The following KCNC1 variants were observed in gnomAD, a reference collection of about 807,000 sequenced individuals.
KCNC1 encodes voltage-gated potassium channel KCNC1.
In KCNC1, 8 loss-of-function variants were observed where a neutral mutation model predicts 43.4. That is an observed-to-expected ratio of 0.18 (90% CI 0.11 to 0.33). The LOEUF is 0.33. Ranked by LOEUF, KCNC1 falls within the 10% of genes least tolerant of loss-of-function variation. The pLI, the probability that KCNC1 is intolerant of heterozygous loss-of-function variation, is 1.00. For synonymous variants in KCNC1, 361 were observed against 360.5 expected, an observed-to-expected ratio of 1.00 and a Z score of -0.01; for missense variants, 420 against 836.0, an observed-to-expected ratio of 0.50 and a Z score of 6.14.
intron 1 of KCNC1, among the ~76,000 whole-genome samples, chr11:17,746,439 C>T (rs984590566): frequency 1.3e-5 from 2 of 152,192 alleles, no homozygotes; most frequent in Non-Finnish European, 2.9e-5. Context: ...TGGTCCAGCC[C>T]GACCCCCGAG....
chr11:17,766,336 A>C (rs1393299608), intron 1 of KCNC1, among the ~76,000 whole-genome samples: 1 of 152,090 alleles, frequency 6.6e-6, no homozygotes, highest in Admixed American at 6.5e-5. Context: ...GTCTGTGCTT[A>C]GGTAATGGAT....
rs200873319 is a variant in KCNC1 at position 17,771,777 on chromosome 11, G to A, written c.683G>A (p.Arg228His). ...AACAAGACGGAGATCGAGAACGTTC[G>A]CAATGGCACGCAAGTGCGCTACTAC... ...IVNKTEIENV[R>H]NGTQVRYYRE... The change falls in exon 2 of 4, where the codon CGC becomes CAC. Residue 228 changes from arginine to histidine, a missense_variant. By Grantham distance (29) the Arg-to-His change is conservative. Transcript: ENST00000265969. This position sits in a 1 kb window ranked among gnomAD's most constrained non-coding sequence, Gnocchi z 4.7. 3.2e-5 allele frequency: 51 copies of A among 1,614,114 alleles called. No homozygotes were observed. The highest frequency in any genetic ancestry group is 1.3e-4 in the East Asian group (6 of 44,888).
chr11:17,735,900 G>A lies in KCNC1; in HGVS notation c.-103G>A, dbSNP rs1372208239. 2 of 1,278,428 alleles carry A rather than the reference G, an allele frequency of 1.6e-6. No individual in the cohort carries two copies. Among genetic ancestry groups the A allele is most frequent in the African/African-American group, 1.6e-5 (1 of 62,586 alleles). The allele number at this position is 1,278,428 out of a possible 1,614,324, so 79.2% of individuals were successfully genotyped here. On this transcript the variant is annotated 5_prime_UTR_variant, in exon 1 of 4. Coordinates refer to ENST00000265969, the MANE Select transcript of KCNC1 (RefSeq NM_001112741.2). The surrounding 1 kb of genome is among the most constrained non-coding windows in gnomAD (Gnocchi z 6.7). ...CTCTGTTCCCCCCGACGGCTGGGGG[G>A]AGGGGGGAAGAGGGCGCGCGCCCCC...
chr11:17,775,861 G>A, intron 2 of KCNC1: 1 of 985,522 alleles, frequency 1.0e-6, no homozygotes, highest in Non-Finnish European at 1.2e-6. Flanking sequence ...TGGGCTCCCT[G>A]GGAGCTAACC....
In KCNC1 at chr11:17,779,300, T is replaced by A; in HGVS notation, c.1505-156T>A. ...GAGCTGAACCCCCCACCAAGCCCCC[T>A]GCCTTGTGCCCTCCTCGCTCCACAG... On this transcript the variant is annotated intron_variant, in intron 2 of 3. Transcript: ENST00000265969. This position sits in a 1 kb window ranked among gnomAD's most constrained non-coding sequence, Gnocchi z 7.2. 1 of 567,102 alleles carries A rather than the reference T, an allele frequency of 1.8e-6. No homozygotes were observed. Among genetic ancestry groups the A allele is most frequent in the Non-Finnish European group, 3.0e-6 (1 of 333,562 alleles). The allele number at this position is 567,102 out of a possible 1,614,324, so 35.1% of individuals were successfully genotyped here.
Position 17,775,593 on chromosome 11 carries a change from T to C in KCNC1, c.1504+2995T>C, listed in dbSNP as rs1204110170. 6 of 985,492 alleles carry C rather than the reference T, an allele frequency of 6.1e-6. No homozygotes were observed. The Admixed American group carries it at 3.1e-4, about 50-fold the overall frequency. 61.0% of individuals were successfully genotyped at this position (985,492 alleles called of 1,614,324 possible). Reference sequence around the variant, plus strand: ...TCTCTCCCAGAAAGGGGCTCCCTCCTGCATCTGCAGTCGGATGCCCAGACC... The same window carrying C: ...TCTCTCCCAGAAAGGGGCTCCCTCCCGCATCTGCAGTCGGATGCCCAGACC... On this transcript the variant is annotated intron_variant, in intron 2 of 3. Transcript: ENST00000265969.
Position 17,776,432 on chromosome 11 carries a change from A to G in KCNC1, c.1505-3024A>G. ...CCTCCGGTGCCCGCAGCTGGTGTGA[A>G]CAGTAAGTACTTTGGCGGTGCCTGG... is the stretch of plus-strand genomic sequence containing the variant. On this transcript the variant is annotated intron_variant, in intron 2 of 3. Coordinates refer to ENST00000265969, the MANE Select transcript of KCNC1 (RefSeq NM_001112741.2). This position sits in a 1 kb window ranked among gnomAD's most constrained non-coding sequence, Gnocchi z 4.4. 1 of 985,394 alleles carries G rather than the reference A, an allele frequency of 1.0e-6. No homozygotes were observed. The highest frequency in any genetic ancestry group is 1.2e-6 in the Non-Finnish European group (1 of 829,950). 61.0% of individuals were successfully genotyped at this position (985,394 alleles called of 1,614,324 possible).
At chr11:17,759,847 G>A (rs950647691) in intron 1 of KCNC1, among the ~76,000 whole-genome samples, 3 of 152,120 alleles carry the variant, frequency 2.0e-5, no homozygotes, top group Non-Finnish European at 4.4e-5. Flanking sequence ...AATATTGCTA[G>A]AATAACCAAA....
Position 17,736,200 on chromosome 11 carries a change from C to T in KCNC1, c.198C>T (p.His66=), listed in dbSNP as rs1565152696. ...FFDRHPGVFA[H]ILNYYRTGKL... ...ACCGCCACCCCGGCGTCTTCGCGCA[C>T]ATCCTGAACTACTACCGCACGGGCA... Residue 66 remains histidine (H), a synonymous_variant, in exon 1 of 4, where the codon CAC becomes CAT. Coordinates refer to ENST00000265969, the MANE Select transcript of KCNC1 (RefSeq NM_001112741.2). This position sits in a 1 kb window ranked among gnomAD's most constrained non-coding sequence, Gnocchi z 9.3. 20 of 1,613,734 alleles carry T rather than the reference C, an allele frequency of 1.2e-5. No homozygotes were observed. The highest frequency in any genetic ancestry group is 1.7e-5 in the Non-Finnish European group (20 of 1,179,894).
intron 1 of KCNC1, among the ~76,000 whole-genome samples, chr11:17,763,089 G>A (rs905332987): frequency 1.3e-5 from 2 of 152,204 alleles, no homozygotes. Flanking sequence ...GGCTCTTTCT[G>A]GATATGACCC....
intron 1 of KCNC1, among the ~76,000 whole-genome samples, chr11:17,766,835 G>A (rs752212873): frequency 5.9e-5 from 9 of 151,938 alleles, no homozygotes; most frequent in Non-Finnish European, 8.8e-5. Context: ...GAGCTTTGGC[G>A]ACTCTGGAGG....
In KCNC1 at chr11:17,748,436, G is replaced by C. The variant is rs375618999; in HGVS notation, c.570+11864G>C. Among the ~76,000 whole-genome samples the C allele has an allele frequency of 2.8e-4, 42 of 152,130 alleles. 1 individual carries two copies. In the East Asian group the frequency reaches 4.5e-3, roughly 16 times the overall value. On this transcript the variant is annotated intron_variant, in intron 1 of 3. Transcript: ENST00000265969. ...AGAAAGATGGAGGAATGTACTCTGG[G>C]GACTCCAAAGAAGGGAGGCTAGGAG...
intron 1 of KCNC1, among the ~76,000 whole-genome samples, chr11:17,762,888 T>C (rs1849094303): frequency 6.6e-6 from 1 of 152,182 alleles, no homozygotes; most frequent in South Asian, 2.1e-4. Context: ...TGCTCTGGTC[T>C]TCTAATGACC....
intron 1 of KCNC1, among the ~76,000 whole-genome samples, chr11:17,753,990 CCT>C (rs1199119885): frequency 6.6e-6 from 1 of 152,214 alleles, no homozygotes; most frequent in Non-Finnish European, 1.5e-5. Context: ...ATGTATCTGC[CCT>C]CTCTCTGGAA....
intron 2 of KCNC1, chr11:17,774,522 C>A (rs780054844): frequency 3.0e-6 from 3 of 985,440 alleles, no homozygotes; most frequent in Non-Finnish European, 3.6e-6. Flanking sequence ...AGTCCCCCTG[C>A]CCCCCAGGGA....
chr11:17,780,643 C>T (rs1849335617), intron 3 of KCNC1: 1 of 152,428 alleles, frequency 6.6e-6, no homozygotes, highest in African/African-American at 2.4e-5. Flanking sequence ...TTTTTGAAAG[C>T]AACAGTTGGT....
At chr11:17,766,967 C>CAAAAA (rs33931057) in intron 1 of KCNC1, among the ~76,000 whole-genome samples, 56 of 133,252 alleles carry the variant, frequency 4.2e-4, no homozygotes, top group African/African-American at 1.6e-3. Context: ...TAAAAAATAC[C>CAAAAA]AAAAAAAAAA....
At chr11:17,765,505 T>TTTAC (rs1282738826) in intron 1 of KCNC1, among the ~76,000 whole-genome samples, 1 of 152,220 alleles carries the variant, frequency 6.6e-6, no homozygotes, top group Non-Finnish European at 1.5e-5. Context: ...TTTGTCTGAC[T>TTTAC]TTACAGCCAA....
At chr11:17,780,845 C>G (rs1020626814) in intron 3 of KCNC1, 1 of 152,372 alleles carries the variant, frequency 6.6e-6, no homozygotes, top group Non-Finnish European at 1.5e-5. Flanking sequence ...CTTCTCTGCC[C>G]TGCCCAGAGG....
Sources: gnomAD v4.1 joint callset for allele counts (sites outside exome capture counted in the v4.1 genomes callset) on GRCh38, gnomAD v4.1.1 for gene constraint, Gnocchi (gnomAD v3.1) non-coding constraint, MANE v1.5 for transcripts, NCBI Gene and HGNC (gene_info 2026-07-23, HGNC 2026-07-21) for gene names.